ZBTB40: variants seen among roughly 807,000 people sequenced by gnomAD.
ZBTB40 encodes the protein zinc finger and BTB domain containing 40.
ZBTB40 carries 60 observed loss-of-function variants against 117.5 expected under a neutral mutation model. The observed-to-expected ratio is 0.51, with a 90% confidence interval of 0.41 to 0.63. The LOEUF is 0.63. Among genes scored for constraint, ZBTB40 ranks in the 30% least tolerant of loss-of-function variants. The probability of loss-of-function intolerance (pLI) is 0.00; values close to 1 mark genes in which losing one functional copy is unlikely to be tolerated. For synonymous variants in ZBTB40, 525 were observed against 577.1 expected (o/e 0.91, Z 1.29); for missense variants, 1,287 against 1,498.5 (o/e 0.86, Z 2.33).
In ZBTB40 at chr1:22,511,508, A is replaced by G. The variant is rs532474773; in HGVS notation, c.2002+161A>G. ...AAAAAGTCATGAGACATAGGGGGAAAATGTTCTTTGTGTTTATTGGAAAGT... is the reference window on the plus strand; with the variant it reads ...AAAAAGTCATGAGACATAGGGGGAAGATGTTCTTTGTGTTTATTGGAAAGT... On this transcript the variant is annotated intron_variant, in intron 10 of 17. Transcript: ENST00000375647. Among the ~76,000 whole-genome samples, 4 of 152,318 alleles carry G rather than the reference A, an allele frequency of 2.6e-5. No homozygotes were observed. The East Asian group carries it at 5.8e-4, about 22-fold the overall frequency.
intron 1 of ZBTB40, among the ~76,000 whole-genome samples, chr1:22,464,777 C>A (rs982271770): frequency 6.6e-5 from 10 of 152,086 alleles, no homozygotes; most frequent in Non-Finnish European, 1.2e-4. Flanking sequence ...GAATTATACA[C>A]GTATTCAGTT....
At chr1:22,476,815 T>C (rs1179166814) in intron 1 of ZBTB40, among the ~76,000 whole-genome samples, 2 of 152,186 alleles carry the variant, frequency 1.3e-5, no homozygotes, top group Non-Finnish European at 2.9e-5. Flanking sequence ...CCTTTGACAA[T>C]TTTTTCGAGC....
intron 13 of ZBTB40, chr1:22,519,573 A>G: frequency 4.2e-6 from 1 of 238,274 alleles, no homozygotes; most frequent in South Asian, 6.1e-5. Context: ...TAGAGCACTC[A>G]TTATGCTAAT....
At chr1:22,452,541 G>GT (rs1640905519) in intron 1 of ZBTB40, 1 of 152,244 alleles carries the variant, frequency 6.6e-6, no homozygotes, top group Non-Finnish European at 1.5e-5. Context: ...CATTGTTGAT[G>GT]TATTGTCTAT....
intron 6 of ZBTB40, 36 bp from the exon 7 acceptor site, chr1:22,507,965 G>T (rs1181172444): frequency 6.2e-7 from 1 of 1,613,928 alleles, no homozygotes; most frequent in Admixed American, 1.7e-5. Context: ...AGGTTTTGTT[G>T]CATCAAACAT....
chr1:22,442,871 C>G (rs1469149174), intron 1 of ZBTB40, among the ~76,000 whole-genome samples: 1 of 152,178 alleles, frequency 6.6e-6, no homozygotes, highest in Non-Finnish European at 1.5e-5. Flanking sequence ...ATATCATTCT[C>G]CCTTCAATTC....
At chr1:22,467,882 C>G (rs993042619) in intron 1 of ZBTB40, among the ~76,000 whole-genome samples, 5 of 151,330 alleles carry the variant, frequency 3.3e-5, no homozygotes, top group Non-Finnish European at 1.5e-5. Context: ...TCCCTTGAAC[C>G]CAGGAGTTCG....
chr1:22,456,998 TG>T (rs1641018898), intron 1 of ZBTB40, among the ~76,000 whole-genome samples: 1 of 152,198 alleles, frequency 6.6e-6, no homozygotes, highest in Non-Finnish European at 1.5e-5. Flanking sequence ...CTGGGCACAG[TG>T]GCTCATGCCT....
intron 17 of ZBTB40, 77 bp downstream of exon 17, chr1:22,524,521 A>G (rs1485290482): frequency 1.4e-6 from 2 of 1,453,980 alleles, no homozygotes; most frequent in Non-Finnish European, 1.9e-6. Context: ...GCTCTGTCAT[A>G]GTACCCAGAG....
At chr1:22,455,706 C>T (rs1268806221) in intron 1 of ZBTB40, among the ~76,000 whole-genome samples, 1 of 152,126 alleles carries the variant, frequency 6.6e-6, no homozygotes, top group Non-Finnish European at 1.5e-5. Flanking sequence ...AGAGCCAGGG[C>T]ATACCAGTTT....
rs769031780 is a variant in ZBTB40, at chr1:22,506,140, A to C, written c.1259A>C (p.Glu420Ala). Reference sequence around the variant, plus strand: ...ACTGAAGAGAAGACGCTGACTGCTGAGGGTTTGGTAAAACTCCTCCAGGCT... The same window carrying C: ...ACTGAAGAGAAGACGCTGACTGCTGCGGGTTTGGTAAAACTCCTCCAGGCT... ...RMTEEKTLTA[E>A]GLVKLLQAVK... The change falls in exon 6 of 18, where the codon GAG (glutamate) becomes GCG (alanine). Residue 420 changes from glutamate (E) to alanine (A), a missense_variant. Glu to Ala is a moderately radical substitution (Grantham distance 107). Around this residue, in one of 2 missense-constraint regions of ZBTB40, gnomAD observed 870 missense variants for 934.4 expected, o/e 0.93. Transcript: ENST00000375647. 6.2e-7 allele frequency: 1 copy of C among 1,614,198 alleles called. No homozygotes were observed. Among genetic ancestry groups the C allele is most frequent in the Non-Finnish European group, 8.5e-7 (1 of 1,180,022 alleles).
intron 1 of ZBTB40, among the ~76,000 whole-genome samples, chr1:22,429,523 C>T (rs992890172): frequency 2.0e-5 from 3 of 152,114 alleles, no homozygotes; most frequent in Non-Finnish European, 2.9e-5. Flanking sequence ...TTCTTCCTCA[C>T]CTTACCATCC....
chr1:22,441,516 C>T (rs1281128733), intron 1 of ZBTB40, among the ~76,000 whole-genome samples: 4 of 106,462 alleles, frequency 3.8e-5, no homozygotes, highest in African/African-American at 1.4e-4. Context: ...CTCATTCTGT[C>T]ACCCAGGTTG....
chr1:22,517,214 T>C (rs1639394857), intron 12 of ZBTB40, 86 bp from the exon 13 acceptor site: 6 of 1,568,330 alleles, frequency 3.8e-6, no homozygotes, highest in Non-Finnish European at 8.7e-7. Context: ...GATATTTCCC[T>C]GATACGTGCT....
intron 9 of ZBTB40, among the ~76,000 whole-genome samples, chr1:22,509,840 C>A (rs1202086455): frequency 6.6e-6 from 1 of 152,196 alleles, no homozygotes; most frequent in Admixed American, 6.5e-5. Context: ...AACCCAGCTT[C>A]CTATGACTCA....
intron 1 of ZBTB40, among the ~76,000 whole-genome samples, chr1:22,469,620 G>A (rs563055746): frequency 4.6e-5 from 7 of 151,978 alleles, no homozygotes; most frequent in Non-Finnish European, 1.0e-4. Flanking sequence ...GCAGTGGTGC[G>A]ATCTTGGGTC....
At chr1:22,475,465 C>G (rs547850253) in intron 1 of ZBTB40, among the ~76,000 whole-genome samples, 3 of 152,174 alleles carry the variant, frequency 2.0e-5, no homozygotes, top group Non-Finnish European at 2.9e-5. Context: ...GTGCCAGTTG[C>G]CTGCAAGCAT....
intron 3 of ZBTB40, among the ~76,000 whole-genome samples, chr1:22,499,056 A>G (rs1284833652): frequency 6.6e-6 from 1 of 152,208 alleles, no homozygotes; most frequent in Non-Finnish European, 1.5e-5. Context: ...TCTCTGGCTC[A>G]GCCACTTACA....
At chr1:22,462,357 G>A (rs903981963) in intron 1 of ZBTB40, among the ~76,000 whole-genome samples, 3 of 152,182 alleles carry the variant, frequency 2.0e-5, no homozygotes, top group Admixed American at 6.5e-5. Flanking sequence ...TCATTTGAAA[G>A]TGGGGTTAAT....
Sources: allele counts gnomAD v4.1 joint callset (sites outside exome capture counted in the v4.1 genomes callset), GRCh38; gene constraint gnomAD v4.1.1; regional missense constraint gnomAD v4.1.1; transcripts MANE v1.5; gene names NCBI Gene and HGNC (gene_info 2026-07-23, HGNC 2026-07-21).